The following GALNT13 variants were observed in gnomAD, a reference collection of about 807,000 sequenced individuals.
GALNT13 encodes UDP-GalNAc:polypeptide N-acetylgalactosaminyltransferase 13.
GALNT13 carries 28 observed loss-of-function variants against 64.2 expected under a neutral mutation model. The observed-to-expected ratio is 0.44, with a 90% CI of 0.32 to 0.60. The LOEUF is 0.60. Ranked by LOEUF, GALNT13 falls within the 20% of genes least tolerant of loss-of-function variation. GALNT13 has a pLI of 0.05. For missense variants in GALNT13, 577 were observed against 669.8 expected, an observed-to-expected ratio of 0.86 and a Z score of 1.53; for synonymous variants, 214 against 224.6, an observed-to-expected ratio of 0.95 and a Z score of 0.42.
chr2:153,143,937 C>T, the GALNT13 span, among the ~76,000 whole-genome samples: 2 of 152,096 alleles, frequency 1.3e-5, no homozygotes, highest in African/African-American at 2.4e-5. Context: ...TGTTTGCCTT[C>T]ATTTCTTAGC....
chr2:153,582,223 T>C, the GALNT13 span, among the ~76,000 whole-genome samples: 140 of 152,324 alleles, frequency 9.2e-4, 1 homozygote, highest in South Asian at 0.018. Context: ...AAAGTATTTG[T>C]AATTCTTAAG....
the GALNT13 span, among the ~76,000 whole-genome samples, chr2:153,660,626 A>G: frequency 6.6e-6 from 1 of 151,126 alleles, no homozygotes; most frequent in Non-Finnish European, 1.5e-5. Flanking sequence ...TATATATACA[A>G]CCCCTGAAAT....
chr2:153,105,254 A>C, the GALNT13 span, among the ~76,000 whole-genome samples: 6 of 152,098 alleles, frequency 3.9e-5, no homozygotes, highest in Admixed American at 3.3e-4. Flanking sequence ...GCATATAAAC[A>C]GAACCAAAGA....
At chr2:153,633,505 T>C in the GALNT13 span, among the ~76,000 whole-genome samples, 2 of 152,206 alleles carry the variant, frequency 1.3e-5, no homozygotes, top group Non-Finnish European at 2.9e-5. Flanking sequence ...TCTAGATATA[T>C]GTTATTTACA....
At chr2:153,832,801 G>A in the GALNT13 span, among the ~76,000 whole-genome samples, 3 of 152,066 alleles carry the variant, frequency 2.0e-5, no homozygotes, top group Non-Finnish European at 4.4e-5. Flanking sequence ...AATATTTTAG[G>A]CTCTAAAGCC....
chr2:153,540,733 A>T, the GALNT13 span, among the ~76,000 whole-genome samples: 1 of 152,216 alleles, frequency 6.6e-6, no homozygotes. Context: ...AAGCTTTAAG[A>T]TTTAATGACT....
At chr2:154,307,541 A>G (rs192857466) in intron 9 of GALNT13, among the ~76,000 whole-genome samples, 31 of 152,236 alleles carry the variant, frequency 2.0e-4, no homozygotes, top group Admixed American at 9.2e-4. Context: ...GGTAGAGTCT[A>G]TTTATGTCTT....
At chr2:153,471,540 G>A in the GALNT13 span, among the ~76,000 whole-genome samples, 4 of 152,036 alleles carry the variant, frequency 2.6e-5, no homozygotes, top group Admixed American at 6.6e-5. Flanking sequence ...AAATGTAAAC[G>A]TTTCTAGCCA....
At chr2:154,043,432 A>ATATT in intron 3 of GALNT13, among the ~76,000 whole-genome samples, 1 of 110,038 alleles carries the variant, frequency 9.1e-6, no homozygotes, top group Admixed American at 8.6e-5. Context: ...ATATATATAT[A>ATATT]TATATATATA....
At chr2:154,378,691 G>C (rs987274639) in intron 9 of GALNT13, among the ~76,000 whole-genome samples, 13 of 151,988 alleles carry the variant, frequency 8.6e-5, no homozygotes, top group African/African-American at 2.9e-4. Flanking sequence ...CGACTCTTCG[G>C]CTCTGCTTCT....
chr2:153,850,458 C>A, the GALNT13 span, among the ~76,000 whole-genome samples: 1 of 152,088 alleles, frequency 6.6e-6, no homozygotes, highest in Non-Finnish European at 1.5e-5. Context: ...TAGCCCAAGG[C>A]AATTTATAAA....
intron 1 of GALNT13, among the ~76,000 whole-genome samples, chr2:153,890,181 A>G (rs1468116396): frequency 6.6e-6 from 1 of 152,018 alleles, no homozygotes; most frequent in African/African-American, 2.4e-5. Context: ...CTATATGAAC[A>G]GTGTTCCAAA....
the GALNT13 span, among the ~76,000 whole-genome samples, chr2:153,442,430 G>C: frequency 3.9e-5 from 6 of 152,144 alleles, no homozygotes; most frequent in Non-Finnish European, 5.9e-5. Flanking sequence ...GTCTCTGCCA[G>C]TTTTTGGTAT....
At chr2:153,140,724 C>G in the GALNT13 span, among the ~76,000 whole-genome samples, 1 of 151,918 alleles carries the variant, frequency 6.6e-6, no homozygotes, top group Non-Finnish European at 1.5e-5. Flanking sequence ...TTTCTCTTAC[C>G]AAGGGAAGCT....
At chr2:154,363,792 T>C (rs1697211207) in intron 9 of GALNT13, among the ~76,000 whole-genome samples, 1 of 152,212 alleles carries the variant, frequency 6.6e-6, no homozygotes, top group Admixed American at 6.5e-5. Flanking sequence ...TTAAAGTCAA[T>C]GTCTATATTC....
the GALNT13 span, among the ~76,000 whole-genome samples, chr2:153,251,898 C>T: frequency 6.6e-6 from 1 of 151,818 alleles, no homozygotes; most frequent in African/African-American, 2.4e-5. Flanking sequence ...GGTTCCAAGT[C>T]TTTGCTATTG....
the GALNT13 span, among the ~76,000 whole-genome samples, chr2:153,861,444 T>C: frequency 2.0e-5 from 3 of 152,078 alleles, no homozygotes; most frequent in Admixed American, 6.5e-5. Flanking sequence ...TGTAGACTGG[T>C]GAATGAAAAT....
Position 154,319,660 on chromosome 2 carries a change from GA to G in GALNT13, c.1156+18084del, listed in dbSNP as rs149406885. 6.4e-4 allele frequency among the ~76,000 whole-genome samples: 86 copies of G among 135,034 alleles called. 1 individual carries two copies. Among genetic ancestry groups the G allele is most frequent in the Middle Eastern group, 4.0e-3 (1 of 248 alleles). The allele number at this position is 135,034 out of a possible 152,430, so 88.6% of individuals were successfully genotyped here. ...AGCCTGGGTGACAAAGCAAGACTCT[GA>G]AAAAAAAAAAAAGAAAAATATTTCT... On this transcript the variant is annotated intron_variant, in intron 9 of 12. Transcript: ENST00000392825.
At chr2:154,196,441 T>A (rs910575968) in intron 4 of GALNT13, among the ~76,000 whole-genome samples, 7 of 152,198 alleles carry the variant, frequency 4.6e-5, no homozygotes, top group Non-Finnish European at 1.0e-4. Context: ...TTTATTTGTT[T>A]TCTTTAATTT....
Sources: allele counts gnomAD v4.1 joint callset (sites outside exome capture counted in the v4.1 genomes callset), GRCh38; gene constraint gnomAD v4.1.1; transcripts MANE v1.5; gene names NCBI Gene and HGNC (gene_info 2026-07-23, HGNC 2026-07-21).